CIB4: variants seen among roughly 807,000 people sequenced by gnomAD.
CIB4 encodes the protein calcium and integrin binding family member 4.
In CIB4, 25 loss-of-function variants were observed where a neutral mutation model predicts 25.8. The ratio of observed to expected loss-of-function variants is 0.97; its 90% CI spans 0.71 to 1.35. The LOEUF (loss-of-function observed/expected upper bound fraction) is 1.35. Ranked by LOEUF, CIB4 falls within the 40% of genes most tolerant of loss-of-function variation. CIB4 has a pLI of 0.00. For synonymous variants in CIB4, 75 were observed against 81.4 expected (o/e 0.92, Z 0.42); for missense variants, 235 against 228.2 (o/e 1.03, Z -0.19).
chr2:26,625,719 G>T (rs1669291583), intron 3 of CIB4, among the ~76,000 whole-genome samples: 1 of 152,156 alleles, frequency 6.6e-6, no homozygotes, highest in African/African-American at 2.4e-5. Context: ...TGTTTGCTGT[G>T]CAGAAGCTCT....
rs1488521056 is a variant in CIB4, at chr2:26,589,004, T to C, written c.329-5106A>G. On this transcript the variant is annotated intron_variant, in intron 4 of 6. Transcript: ENST00000288861. ...TTCTTCTTCTTCTTCTTCTTCTTCT[T>C]CTTCTTCTTCTTCTTCTTCTTCTTC... 1.9e-3 allele frequency among the ~76,000 whole-genome samples: 28 copies of C among 14,444 alleles called. 1 individual carries two copies. The highest frequency in any genetic ancestry group is 7.1e-3 in the African/African-American group (27 of 3,826). The allele number at this position is 14,444 out of a possible 152,430, so 9.5% of individuals were successfully genotyped here.
intron 3 of CIB4, among the ~76,000 whole-genome samples, chr2:26,608,414 C>T (rs1668934144): frequency 6.6e-6 from 1 of 152,172 alleles, no homozygotes; most frequent in South Asian, 2.1e-4. Context: ...AAACAAAATT[C>T]AGATGCCTTA....
chr2:26,588,998 T>C (rs1262345825), intron 4 of CIB4, among the ~76,000 whole-genome samples: 27 of 10,358 alleles, frequency 2.6e-3, no homozygotes, highest in African/African-American at 7.7e-3. Context: ...TTCTTCTTCT[T>C]CTTCTTCTTC....
At chr2:26,600,412 A>G (rs1668760558) in intron 3 of CIB4, among the ~76,000 whole-genome samples, 1 of 152,256 alleles carries the variant, frequency 6.6e-6, no homozygotes, top group South Asian at 2.1e-4. Context: ...TCAAAAATAA[A>G]TAAATAAATA....
chr2:26,586,409 G>A (rs1018423337), intron 4 of CIB4, among the ~76,000 whole-genome samples: 39 of 152,330 alleles, frequency 2.6e-4, no homozygotes, highest in African/African-American at 9.1e-4. Flanking sequence ...CCCAGCCCCT[G>A]TGAAAACATG....
chr2:26,617,120 A>ATGTG lies in CIB4; in HGVS notation c.186+12286_186+12289dup, dbSNP rs3220777. On this transcript the variant is annotated intron_variant, in intron 3 of 6. Coordinates refer to ENST00000288861, the MANE Select transcript of CIB4 (RefSeq NM_001029881.3). ...AACTTACCCACAGCAAGAGCATGGA[A>ATGTG]TGTGTGTGTGTGTGTGTGTGTGTGT... 7.5e-3 allele frequency among the ~76,000 whole-genome samples: 1,034 copies of ATGTG among 137,766 alleles called. 4 individuals are homozygous for ATGTG. The highest frequency in any genetic ancestry group is 0.014 in the African/African-American group (486 of 34,812). The allele number at this position is 137,766 out of a possible 152,430, so 90.4% of individuals were successfully genotyped here.
At chr2:26,635,345 C>T (rs1343579059) in intron 2 of CIB4, among the ~76,000 whole-genome samples, 1 of 152,196 alleles carries the variant, frequency 6.6e-6, no homozygotes, top group African/African-American at 2.4e-5. Context: ...GATCTGGTGA[C>T]CAGGCCTTTG....
At position 26,589,057 on chromosome 2, in the gene CIB4, TTCCTCTTCC is replaced by T. The variant is rs1277291584; in HGVS notation, c.329-5168_329-5160del. ...CTTCTTCTTCTTCTTCTTCTTCTTC[TTCCTCTTCC>T]TCTTCCTCTTCTTCTTCTTCTTCTT... On this transcript the variant is annotated intron_variant, in intron 4 of 6. Transcript: ENST00000288861. 5.4e-3 allele frequency among the ~76,000 whole-genome samples: 195 copies of T among 36,008 alleles called. 7 individuals are homozygous for T. Among genetic ancestry groups the T allele is most frequent in the Middle Eastern group, 0.027 (2 of 74 alleles). The allele number at this position is 36,008 out of a possible 152,430, so 23.6% of individuals were successfully genotyped here. A position where few individuals can be genotyped will look rare whatever the true frequency, so the allele number is the denominator to read the frequency against.
At position 26,625,349 on chromosome 2, in the gene CIB4, C is replaced by CT. The variant is rs34821747; in HGVS notation, c.186+4060dup. ...GAGCGAGGCCTTTCCTAAGGACAGC[C>CT]TTTTTTTTTTTTTTTTTTTTGAGAT... On this transcript the variant is annotated intron_variant, in intron 3 of 6. Coordinates refer to ENST00000288861, the MANE Select transcript of CIB4 (RefSeq NM_001029881.3). Among the ~76,000 whole-genome samples, 483 of 98,540 alleles carry CT rather than the reference C, an allele frequency of 4.9e-3. 8 individuals are homozygous for CT. The highest frequency in any genetic ancestry group is 0.024 in the South Asian group (73 of 3,012). 64.6% of individuals were successfully genotyped at this position (98,540 alleles called of 152,430 possible).
Position 26,622,854 on chromosome 2 carries a change from G to A in CIB4, c.186+6556C>T, listed in dbSNP as rs368478050. Among the ~76,000 whole-genome samples, 14 of 152,146 alleles carry A rather than the reference G, an allele frequency of 9.2e-5. No individual in the cohort carries two copies. The South Asian group carries it at 1.2e-3, about 14-fold the overall frequency. ...AAAAATTAGCCAGGCATGGCGGCAC[G>A]CGCCTGTAATCCCAGCTACTCAGAA... On this transcript the variant is annotated intron_variant, in intron 3 of 6. Transcript: ENST00000288861.
At chr2:26,602,122 C>A (rs1357266794) in intron 3 of CIB4, among the ~76,000 whole-genome samples, 2 of 152,044 alleles carry the variant, frequency 1.3e-5, no homozygotes, top group Admixed American at 1.3e-4. Context: ...TTACTGGATG[C>A]AAATCAAAGA....
intron 3 of CIB4, among the ~76,000 whole-genome samples, chr2:26,616,774 C>T (rs1473069958): frequency 6.6e-6 from 1 of 152,226 alleles, no homozygotes; most frequent in Non-Finnish European, 1.5e-5. Flanking sequence ...TAGACATGTG[C>T]ACACGTGTGT....
intron 3 of CIB4, among the ~76,000 whole-genome samples, chr2:26,604,641 C>T (rs1354925711): frequency 6.6e-6 from 1 of 152,078 alleles, no homozygotes; most frequent in Non-Finnish European, 1.5e-5. Flanking sequence ...TGGGTGAATG[C>T]ATCAGCAGTA....
At chr2:26,618,329 A>T (rs1620845) in intron 3 of CIB4, among the ~76,000 whole-genome samples, 67,924 of 152,092 alleles carry the variant, frequency 0.45, 16,608 homozygotes, top group Non-Finnish European at 0.55. Context: ...TCTGTCACCC[A>T]GGCTGGAGTG....
intron 4 of CIB4, among the ~76,000 whole-genome samples, chr2:26,589,087 T>TCTTCC (rs1668527530): frequency 2.1e-5 from 2 of 93,362 alleles, no homozygotes; most frequent in African/African-American, 1.3e-4. Context: ...CTTCTTCTTC[T>TCTTCC]TCTTCTTCTT....
intron 3 of CIB4, among the ~76,000 whole-genome samples, chr2:26,600,071 C>A (rs1338551701): frequency 1.7e-4 from 20 of 115,668 alleles, no homozygotes; most frequent in African/African-American, 6.8e-4. Context: ...GACTCTGTCT[C>A]AAAAAAAAAA....
intron 3 of CIB4, among the ~76,000 whole-genome samples, chr2:26,626,870 A>T (rs1052634527): frequency 1.3e-5 from 2 of 152,110 alleles, no homozygotes; most frequent in South Asian, 4.2e-4. Context: ...CATGACATGG[A>T]AGAGAGGAAC....
At chr2:26,630,064 C>T (rs922744272) in intron 2 of CIB4, among the ~76,000 whole-genome samples, 4 of 152,208 alleles carry the variant, frequency 2.6e-5, no homozygotes, top group Non-Finnish European at 5.9e-5. Flanking sequence ...TGCAGCAGAT[C>T]GTGGACTGAC....
At chr2:26,583,010 T>G in intron 5 of CIB4, 97 bp from the exon 6 acceptor site, 1 of 755,730 alleles carries the variant, frequency 1.3e-6, no homozygotes, top group Non-Finnish European at 2.3e-6. Context: ...CCAGGGGCTC[T>G]CCCACATGCT....
Sources: gnomAD v4.1 joint callset for allele counts (sites outside exome capture counted in the v4.1 genomes callset) on GRCh38, gnomAD v4.1.1 for gene constraint, MANE v1.5 for transcripts, NCBI Gene and HGNC (gene_info 2026-07-23, HGNC 2026-07-21) for gene names.